Variants in UBE2H observed in about 807,000 individuals in gnomAD.
UBE2H encodes the protein ubiquitin-conjugating enzyme E2 H.
Under a neutral mutation model 29.0 loss-of-function variants are expected in UBE2H, and 3 were observed. The ratio of observed to expected loss-of-function variants is 0.10; its 90% CI spans 0.05 to 0.27. The LOEUF is 0.27. UBE2H is among the 10% of genes least tolerant of loss of function. The pLI, the probability that UBE2H is intolerant of heterozygous loss-of-function variation, is 1.00. For missense variants in UBE2H, 68 were observed against 228.2 expected, an observed-to-expected ratio of 0.30 and a Z score of 4.52; for synonymous variants, 69 against 82.9, an observed-to-expected ratio of 0.83 and a Z score of 0.91.
intron 1 of UBE2H, among the ~76,000 whole-genome samples, chr7:129,943,062 T>G (rs1026194002): frequency 6.6e-6 from 1 of 152,184 alleles, no homozygotes; most frequent in Non-Finnish European, 1.5e-5. Flanking sequence ...AGGTTGGTCT[T>G]GAACTCTTGA....
chr7:129,891,791 T>C (rs1311831433), intron 1 of UBE2H, among the ~76,000 whole-genome samples: 2 of 125,812 alleles, frequency 1.6e-5, no homozygotes, highest in East Asian at 2.4e-4. Flanking sequence ...CAGAGCGAGA[T>C]TGTCTCCAAA....
intron 3 of UBE2H, among the ~76,000 whole-genome samples, chr7:129,876,593 C>T (rs540536049): frequency 1.3e-5 from 2 of 152,244 alleles, no homozygotes; most frequent in African/African-American, 2.4e-5. Flanking sequence ...TGATATTACT[C>T]GTTTTTCCAT....
chr7:129,934,638 T>TAAA (rs758214225), intron 1 of UBE2H, among the ~76,000 whole-genome samples: 32 of 65,784 alleles, frequency 4.9e-4, no homozygotes, highest in Admixed American at 1.2e-3. Flanking sequence ...ACTCCGTCTT[T>TAAA]AAAAAAAAAA....
intron 5 of UBE2H, among the ~76,000 whole-genome samples, chr7:129,856,817 TTGAG>T (rs935430048): frequency 3.2e-4 from 49 of 152,292 alleles, no homozygotes; most frequent in Admixed American, 2.9e-3. Context: ...ACTGTGGGAC[TTGAG>T]TAAGCATGAA....
At chr7:129,927,871 C>T (rs1157322399) in intron 1 of UBE2H, among the ~76,000 whole-genome samples, 7 of 152,022 alleles carry the variant, frequency 4.6e-5, no homozygotes, top group Non-Finnish European at 1.0e-4. Flanking sequence ...AGAAATAAGT[C>T]TTAGTGTGCA....
At chr7:129,907,422 C>T (rs1384240521) in intron 1 of UBE2H, among the ~76,000 whole-genome samples, 1 of 152,130 alleles carries the variant, frequency 6.6e-6, no homozygotes, top group African/African-American at 2.4e-5. Context: ...AGGCAGGGTA[C>T]AGCTGACAGC....
intron 1 of UBE2H, among the ~76,000 whole-genome samples, chr7:129,926,651 T>C (rs1250225174): frequency 6.6e-6 from 1 of 152,146 alleles, no homozygotes; most frequent in Non-Finnish European, 1.5e-5. Context: ...TCATATAATG[T>C]GCCACAAATC....
At chr7:129,868,559 C>A (rs1267962910) in intron 3 of UBE2H, among the ~76,000 whole-genome samples, 1 of 126,842 alleles carries the variant, frequency 7.9e-6, no homozygotes, top group Non-Finnish European at 1.6e-5. Flanking sequence ...CGCAGTCCGG[C>A]CTGGGCGACA....
chr7:129,874,611 G>GT (rs1157897689), intron 3 of UBE2H, among the ~76,000 whole-genome samples: 5 of 151,988 alleles, frequency 3.3e-5, no homozygotes, highest in Non-Finnish European at 2.9e-5. Context: ...ACCCGGCCCT[G>GT]TATCTTTTAT....
At chr7:129,867,724 C>CAAAAAAAAAAAAAAAA (rs1473451530) in intron 3 of UBE2H, among the ~76,000 whole-genome samples, 13 of 31,184 alleles carry the variant, frequency 4.2e-4, no homozygotes, top group Admixed American at 8.6e-4. Flanking sequence ...AAAAGAAAAC[C>CAAAAAAAAAAAAAAAA]AAAAAAAAAA....
chr7:129,870,115 TACTCTTTC>T (rs1805998249), intron 3 of UBE2H, among the ~76,000 whole-genome samples: 1 of 152,112 alleles, frequency 6.6e-6, no homozygotes, highest in South Asian at 2.1e-4. Context: ...CCTGCACACA[TACTCTTTC>T]TCCCTGCCTC....
At chr7:129,879,771 CCTA>C in intron 2 of UBE2H, 129 bp from the exon 3 acceptor site, 1 of 768,258 alleles carries the variant, frequency 1.3e-6, no homozygotes, top group Non-Finnish European at 2.1e-6. Flanking sequence ...GAGTCAGGGA[CCTA>C]CTACAATCAA....
At chr7:129,851,036 G>T (rs778432326) in intron 5 of UBE2H, among the ~76,000 whole-genome samples, 1 of 152,148 alleles carries the variant, frequency 6.6e-6, no homozygotes, top group Non-Finnish European at 1.5e-5. Flanking sequence ...GTAGTTACAG[G>T]ACATAGACTG....
chr7:129,948,959 T>TC (rs1454842803), intron 1 of UBE2H: 3 of 456,650 alleles, frequency 6.6e-6, no homozygotes, highest in Admixed American at 2.4e-5. Flanking sequence ...TGTCACATAC[T>TC]CCATCAGCTG....
intron 3 of UBE2H, among the ~76,000 whole-genome samples, chr7:129,862,374 T>C (rs1272150585): frequency 6.6e-6 from 1 of 152,190 alleles, no homozygotes; most frequent in Non-Finnish European, 1.5e-5. Context: ...GAAGTTTTCA[T>C]TTAAACTAAA....
In UBE2H at chr7:129,952,399, G is replaced by A; in HGVS notation, c.53+104C>T. On this transcript the variant is annotated intron_variant, in intron 1 of 6. Coordinates refer to ENST00000355621, the MANE Select transcript of UBE2H (RefSeq NM_003344.4). The stretch of plus-strand genomic sequence containing the variant: ...TGGGGGAGGAGGGGAGTCTCGGACA[G>A]TGGCCTGGAGTGCCCCAGGGCCCTT... The A allele has an allele frequency of 4.2e-6, 6 of 1,418,472 alleles. No individual in the cohort carries two copies. The South Asian group carries it at 5.4e-5, about 13-fold the overall frequency. 87.9% of individuals were successfully genotyped at this position (1,418,472 alleles called of 1,614,324 possible). A position where few individuals can be genotyped will look rare whatever the true frequency, so the allele number is the denominator to read the frequency against.
chr7:129,865,292 G>A (rs192346409), intron 3 of UBE2H, among the ~76,000 whole-genome samples: 1 of 152,222 alleles, frequency 6.6e-6, no homozygotes, highest in East Asian at 1.9e-4. Flanking sequence ...TTCAGCCTCT[G>A]TGTCCAGTCC....
intron 1 of UBE2H, among the ~76,000 whole-genome samples, chr7:129,932,629 C>T (rs1028210364): frequency 6.6e-6 from 1 of 151,538 alleles, no homozygotes; most frequent in Admixed American, 6.6e-5. Context: ...AAAAAATTAG[C>T]CGGGCGTGGT....
chr7:129,837,858 C>A (rs768382324), intron 6 of UBE2H, among the ~76,000 whole-genome samples: 3 of 152,062 alleles, frequency 2.0e-5, no homozygotes, highest in African/African-American at 7.2e-5. Flanking sequence ...GCTAGGGGTC[C>A]GTACGCTGGA....
Sources: gnomAD v4.1 joint callset for allele counts (sites outside exome capture counted in the v4.1 genomes callset) on GRCh38, gnomAD v4.1.1 for gene constraint, MANE v1.5 for transcripts, NCBI Gene and HGNC (gene_info 2026-07-23, HGNC 2026-07-21) for gene names.